MAP3K4: variants seen among roughly 807,000 people sequenced by gnomAD.
MAP3K4 encodes MAP three kinase 1.
A neutral mutation model predicts 185.6 loss-of-function variants in MAP3K4; 67 were observed. The ratio of observed to expected loss-of-function variants is 0.36; its 90% CI spans 0.30 to 0.44. The LOEUF is 0.44. MAP3K4 is among the 20% of genes least tolerant of loss of function. MAP3K4 has a pLI of 1.00. For synonymous variants in MAP3K4, 702 were observed against 710.4 expected (o/e 0.99, Z 0.19); for missense variants, 1,551 against 1,995.1 (o/e 0.78, Z 4.24).
intron 1 of MAP3K4, among the ~76,000 whole-genome samples, chr6:161,014,357 A>G (rs1173057339): frequency 6.6e-6 from 1 of 152,152 alleles, no homozygotes; most frequent in Admixed American, 6.5e-5. Flanking sequence ...TAAAATCCTT[A>G]TTTCCCCTTG....
rs898821483 is a variant in MAP3K4 at position 161,084,028 on chromosome 6, T to A, written c.2256-473T>A. On this transcript the variant is annotated intron_variant, in intron 6 of 26. Coordinates refer to ENST00000392142, the MANE Select transcript of MAP3K4 (RefSeq NM_005922.4). The surrounding 1 kb of genome is among the most constrained non-coding windows in gnomAD (Gnocchi z 4.6). Reference sequence around the variant, plus strand: ...ATTTTATATACTGGGGTGTACATTTTAACACTAGTATTTAGAATTGTGTAC... The same window carrying A: ...ATTTTATATACTGGGGTGTACATTTAAACACTAGTATTTAGAATTGTGTAC... Among the ~76,000 whole-genome samples, 1 of 152,250 alleles carries A rather than the reference T, an allele frequency of 6.6e-6. No homozygotes were observed. The highest frequency in any genetic ancestry group is 2.4e-5 in the African/African-American group (1 of 41,468).
At chr6:161,052,302 C>T (rs551575104) in intron 3 of MAP3K4, among the ~76,000 whole-genome samples, 9 of 152,188 alleles carry the variant, frequency 5.9e-5, no homozygotes, top group Admixed American at 1.3e-4. Flanking sequence ...TATATTAGAA[C>T]TCATGTTGAA....
intron 1 of MAP3K4, among the ~76,000 whole-genome samples, chr6:160,998,235 T>G (rs537439604): frequency 6.6e-6 from 1 of 152,318 alleles, no homozygotes; most frequent in East Asian, 1.9e-4. Flanking sequence ...AGCTAATCTC[T>G]ATTTGTGCTT....
At chr6:161,113,154 T>C (rs1345846509) in intron 25 of MAP3K4, among the ~76,000 whole-genome samples, 1 of 152,174 alleles carries the variant, frequency 6.6e-6, no homozygotes, top group Non-Finnish European at 1.5e-5. Flanking sequence ...TGTTCTTCAG[T>C]AGATTATTCA....
At chr6:161,055,524 A>G (rs1008846746) in intron 3 of MAP3K4, among the ~76,000 whole-genome samples, 2 of 152,200 alleles carry the variant, frequency 1.3e-5, no homozygotes, top group African/African-American at 4.8e-5. Context: ...TGTTAAAACT[A>G]ATATATTAAC....
intron 2 of MAP3K4, among the ~76,000 whole-genome samples, chr6:161,040,645 A>G (rs1783408750): frequency 6.6e-6 from 1 of 152,232 alleles, no homozygotes; most frequent in Non-Finnish European, 1.5e-5. Context: ...CATGAGTTGC[A>G]CTCAAAGGAT....
chr6:161,049,160 T>C lies in MAP3K4; in HGVS notation c.888T>C (p.Asn296=). Residue 296 remains asparagine (N), a synonymous_variant, in exon 3 of 27, where the codon AAT becomes AAC. Coordinates refer to ENST00000392142, the MANE Select transcript of MAP3K4 (RefSeq NM_005922.4). The surrounding 1 kb of genome is among the most constrained non-coding windows in gnomAD (Gnocchi z 8.4). ...TARQAIPDII[N]EILTFKVDYG... ...GTCAAGCCATCCCAGATATTATTAA[T>C]GAAATCCTTACTTTCAAAGTCGACT... is the stretch of plus-strand genomic sequence containing the variant. 2 of 1,614,130 alleles carry C rather than the reference T, an allele frequency of 1.2e-6. No individual in the cohort carries two copies. The highest frequency in any genetic ancestry group is 1.3e-5 in the African/African-American group (1 of 75,050).
rs1781721964 is a variant in MAP3K4 at position 161,008,963 on chromosome 6, A to G, written c.152+16880A>G. Among the ~76,000 whole-genome samples the G allele has an allele frequency of 6.7e-6, 1 of 149,662 alleles. No individual in the cohort carries two copies. The highest frequency in any genetic ancestry group is 1.5e-5 in the Non-Finnish European group (1 of 67,598). ...CCATTGTATAAATGTATCATGGCAT[A>G]TTCATTTTTTTAAACCATCTGAACC... is the stretch of plus-strand genomic sequence containing the variant. On this transcript the variant is annotated intron_variant, in intron 1 of 26. Coordinates refer to ENST00000392142, the MANE Select transcript of MAP3K4 (RefSeq NM_005922.4). This position sits in a 1 kb window ranked among gnomAD's most constrained non-coding sequence, Gnocchi z 4.1.
In MAP3K4 at chr6:161,037,567, C is replaced by T. The variant is rs147015159; in HGVS notation, c.343+3118C>T. ...CCGAGTAGCTAGGACTACAGGCATG[C>T]GCCACCATGCCCGACTAATTTTGTA... On this transcript the variant is annotated intron_variant, in intron 2 of 26. Transcript: ENST00000392142. This position sits in a 1 kb window ranked among gnomAD's most constrained non-coding sequence, Gnocchi z 4.2. 1.7e-3 allele frequency among the ~76,000 whole-genome samples: 259 copies of T among 152,162 alleles called. 1 individual carries two copies. Among genetic ancestry groups the T allele is most frequent in the Middle Eastern group, 6.8e-3 (2 of 294 alleles).
rs954626810 is a variant in MAP3K4 at position 161,110,064 on chromosome 6, A to G, written c.4396+150A>G. On this transcript the variant is annotated intron_variant, in intron 23 of 26. Transcript: ENST00000392142. The surrounding 1 kb of genome is among the most constrained non-coding windows in gnomAD (Gnocchi z 4.8). The stretch of plus-strand genomic sequence containing the variant: ...AAATACGCCTCTATAAGGATCCTGT[A>G]TTCAGAAACAAGGTAGAACTCATGT... The G allele has an allele frequency of 1.3e-5, 10 of 793,584 alleles. No homozygotes were observed. The South Asian group carries it at 1.4e-4, about 11-fold the overall frequency. 49.2% of individuals were successfully genotyped at this position (793,584 alleles called of 1,614,324 possible).
chr6:160,993,496 C>T (rs1373612281), intron 1 of MAP3K4, among the ~76,000 whole-genome samples: 1 of 152,114 alleles, frequency 6.6e-6, no homozygotes, highest in East Asian at 1.9e-4. Context: ...GATGAGGAAA[C>T]TGAGGCACAC....
At position 161,076,667 on chromosome 6, in the gene MAP3K4, A is replaced by G. The variant is rs3778218; in HGVS notation, c.2097+3055A>G. ...AAAAAGATTTATAAGGATTGAAAAT[A>G]TGAAAATGATAGGCGAGATGTGGTA... is the stretch of plus-strand genomic sequence containing the variant. On this transcript the variant is annotated intron_variant, in intron 5 of 26. Coordinates refer to ENST00000392142, the MANE Select transcript of MAP3K4 (RefSeq NM_005922.4). The surrounding 1 kb of genome is among the most constrained non-coding windows in gnomAD (Gnocchi z 4.2). Among the ~76,000 whole-genome samples, 5,777 of 152,352 alleles carry G rather than the reference A, an allele frequency of 0.038. 147 individuals are homozygous for G. Among genetic ancestry groups the G allele is most frequent in the South Asian group, 0.073 (350 of 4,824 alleles).
At position 160,999,520 on chromosome 6, in the gene MAP3K4, T is replaced by C. The variant is rs1205113060; in HGVS notation, c.152+7437T>C. ...GGTAGGACGCTTAGTGTTCATTTCA[T>C]CCAACTTCCTAGCCATTGCTTATAG... On this transcript the variant is annotated intron_variant, in intron 1 of 26. Coordinates refer to ENST00000392142, the MANE Select transcript of MAP3K4 (RefSeq NM_005922.4). Among the ~76,000 whole-genome samples the C allele has an allele frequency of 2.0e-5, 3 of 152,220 alleles. No homozygotes were observed. The East Asian group carries it at 5.8e-4, about 29-fold the overall frequency.
intron 2 of MAP3K4, among the ~76,000 whole-genome samples, chr6:161,038,919 CT>C (rs1351371031): frequency 3.9e-5 from 6 of 152,210 alleles, no homozygotes; most frequent in African/African-American, 1.4e-4. Flanking sequence ...GCACAGTTTT[CT>C]TTCCATGTGA....
At position 161,034,183 on chromosome 6, in the gene MAP3K4, T is replaced by G; in HGVS notation, c.153-76T>G. The G allele has an allele frequency of 1.7e-6, 2 of 1,185,266 alleles. No homozygotes were observed. Among genetic ancestry groups the G allele is most frequent in the East Asian group, 2.6e-5 (1 of 39,048 alleles). 73.4% of individuals were successfully genotyped at this position (1,185,266 alleles called of 1,614,324 possible). ...TGTACAAAAGTTTTACAAAGAATTA[T>G]TTAAAAAATTATAAGTAAATTTGAA... On this transcript the variant is annotated intron_variant, in intron 1 of 26. Transcript: ENST00000392142. This position sits in a 1 kb window ranked among gnomAD's most constrained non-coding sequence, Gnocchi z 4.4.
Position 161,087,856 on chromosome 6 carries a change from C to T in MAP3K4, c.2725C>T (p.Arg909Ter). ...AYLLLTKHGD[R>*]ARDSEDSWGT... ...TCTGCTTCTGACCAAGCACGGTGAT[C>T]GAGCCCGTGATTCAGAGGACAGCTG... is the stretch of plus-strand genomic sequence containing the variant. Residue 909 changes from arginine to a stop codon, truncating the protein, a stop_gained, in exon 10 of 27, where the codon CGA (arginine) becomes TGA (stop). Transcript: ENST00000392142. LOFTEE classifies it high-confidence loss of function. The surrounding 1 kb of genome is among the most constrained non-coding windows in gnomAD (Gnocchi z 4.9). The T allele has an allele frequency of 6.2e-7, 1 of 1,614,102 alleles. No individual in the cohort carries two copies. Among genetic ancestry groups the T allele is most frequent in the Non-Finnish European group, 8.5e-7 (1 of 1,180,026 alleles).
At position 161,098,415 on chromosome 6, in the gene MAP3K4, C is replaced by T; in HGVS notation, c.3662C>T (p.Ala1221Val). ...GTGCTGCCCAAATCCATCAGCAGTGCCCATGATACCAGGTAGTCTCACCCC... is the reference window on the plus strand; with the variant it reads ...GTGCTGCCCAAATCCATCAGCAGTGTCCATGATACCAGGTAGTCTCACCCC... ...DSVLPKSISSAHDTRGSSVPE... is the reference protein window; with the variant it reads ...DSVLPKSISSVHDTRGSSVPE... Residue 1221 changes from alanine (A) to valine (V), a missense_variant, in exon 17 of 27, where the codon GCC becomes GTC. Ala to Val is a moderately conservative substitution (Grantham distance 64, BLOSUM62 0). Coordinates refer to ENST00000392142, the MANE Select transcript of MAP3K4 (RefSeq NM_005922.4). The surrounding 1 kb of genome is among the most constrained non-coding windows in gnomAD (Gnocchi z 4.4). 1 of 1,613,460 alleles carries T rather than the reference C, an allele frequency of 6.2e-7. No individual in the cohort carries two copies. The highest frequency in any genetic ancestry group is 8.5e-7 in the Non-Finnish European group (1 of 1,179,732).
At chr6:161,069,658 G>A (rs1226738468) in intron 3 of MAP3K4, among the ~76,000 whole-genome samples, 3 of 152,198 alleles carry the variant, frequency 2.0e-5, no homozygotes, top group Non-Finnish European at 2.9e-5. Flanking sequence ...TGTAATCAGT[G>A]CCAGGCGTGG....
At position 161,115,014 on chromosome 6, in the gene MAP3K4, T is replaced by C. The variant is rs78416557; in HGVS notation, c.4627-109T>C. 3.1e-3 allele frequency: 2,912 copies of C among 933,354 alleles called. 59 individuals carry two copies. In the African/African-American group the frequency reaches 0.044, roughly 14 times the overall value. The allele number at this position is 933,354 out of a possible 1,614,324, so 57.8% of individuals were successfully genotyped here. ...TTTGGCCCTTTCAGTAAAAATTTGC[T>C]GTCCCCTGATATATATTAATGATGA... On this transcript the variant is annotated intron_variant, in intron 25 of 26. Transcript: ENST00000392142. This position sits in a 1 kb window ranked among gnomAD's most constrained non-coding sequence, Gnocchi z 6.0.
Sources: gnomAD v4.1 joint callset for allele counts (sites outside exome capture counted in the v4.1 genomes callset) on GRCh38, gnomAD v4.1.1 for gene constraint, Gnocchi (gnomAD v3.1) non-coding constraint, MANE v1.5 for transcripts, NCBI Gene and HGNC (gene_info 2026-07-23, HGNC 2026-07-21) for gene names.